Variants in KCNMA1 observed in about 807,000 individuals in gnomAD.
The protein encoded by KCNMA1 is potassium calcium-activated channel subfamily M alpha 1, also known as Calcium-activated potassium channel subunit alpha-1.
In KCNMA1, 29 loss-of-function variants were observed where a neutral mutation model predicts 140.0. The ratio of observed to expected loss-of-function variants is 0.21; its 90% CI spans 0.15 to 0.28. KCNMA1 has a LOEUF of 0.28. Ranked by LOEUF, KCNMA1 falls within the 10% of genes least tolerant of loss-of-function variation. KCNMA1 has a pLI of 1.00. For synonymous variants in KCNMA1, 612 were observed against 611.9 expected (o/e 1.00, Z 0.00); for missense variants, 880 against 1,602.2 (o/e 0.55, Z 7.70).
At chr10:77,338,482 T>C (rs1230609432) in intron 2 of KCNMA1, among the ~76,000 whole-genome samples, 6 of 152,150 alleles carry the variant, frequency 3.9e-5, no homozygotes, top group Non-Finnish European at 8.8e-5. Context: ...CAGAGGCCCT[T>C]ACAGACCCTA....
intron 3 of KCNMA1, among the ~76,000 whole-genome samples, chr10:77,196,560 T>C (rs1256821740): frequency 6.6e-6 from 1 of 152,230 alleles, no homozygotes; most frequent in Non-Finnish European, 1.5e-5. Context: ...CATTTCAATA[T>C]AATACATGGG....
At chr10:77,169,525 G>C (rs2098679772) in intron 5 of KCNMA1, among the ~76,000 whole-genome samples, 1 of 151,954 alleles carries the variant, frequency 6.6e-6, no homozygotes, top group Admixed American at 6.6e-5. Flanking sequence ...GAGTAGCTGG[G>C]ACCACAGGTA....
chr10:77,012,570 A>T (rs537211170), intron 17 of KCNMA1: 4 of 1,548,412 alleles, frequency 2.6e-6, no homozygotes, highest in Non-Finnish European at 3.5e-6. Flanking sequence ...GCAGAGAGGG[A>T]AAAACGAAAG....
chr10:77,469,559 G>A (rs564980137), intron 1 of KCNMA1, among the ~76,000 whole-genome samples: 2 of 152,268 alleles, frequency 1.3e-5, no homozygotes, highest in East Asian at 1.9e-4. Flanking sequence ...CTCACTGGCA[G>A]CTGACTGAGA....
At chr10:77,034,413 G>GAA (rs2094174881) in intron 15 of KCNMA1, among the ~76,000 whole-genome samples, 1 of 152,122 alleles carries the variant, frequency 6.6e-6, no homozygotes, top group Admixed American at 6.5e-5. Flanking sequence ...TGATTTCACA[G>GAA]AACTGAAGTT....
intron 1 of KCNMA1, among the ~76,000 whole-genome samples, chr10:77,568,876 G>C (rs1462432691): frequency 1.2e-3 from 188 of 150,984 alleles, no homozygotes; most frequent in African/African-American, 4.2e-3. Context: ...TGATAAGCAA[G>C]TTCAGCAAAG....
intron 1 of KCNMA1, among the ~76,000 whole-genome samples, chr10:77,464,886 G>T (rs534336122): frequency 1.3e-5 from 2 of 152,302 alleles, no homozygotes; most frequent in East Asian, 3.9e-4. Context: ...CTAAATTATT[G>T]CTTAACTTGT....
At chr10:77,101,543 G>A (rs767453539) in intron 9 of KCNMA1, among the ~76,000 whole-genome samples, 1 of 152,132 alleles carries the variant, frequency 6.6e-6, no homozygotes, top group African/African-American at 2.4e-5. Context: ...GTGATATGTT[G>A]ATGATTTGCT....
At chr10:76,999,049 C>T (rs1160085851) in intron 19 of KCNMA1, among the ~76,000 whole-genome samples, 1 of 152,200 alleles carries the variant, frequency 6.6e-6, no homozygotes, top group Non-Finnish European at 1.5e-5. Context: ...GCCCAAAGCT[C>T]CACGTGTTCC....
intron 6 of KCNMA1, among the ~76,000 whole-genome samples, chr10:77,117,997 A>C (rs1353541636): frequency 1.3e-5 from 2 of 152,090 alleles, no homozygotes; most frequent in African/African-American, 4.8e-5. Context: ...TGCCCACCTT[A>C]TGCTTCTCTG....
chr10:76,914,871 C>A, intron 24 of KCNMA1, 65 bp downstream of exon 24: 1 of 1,197,332 alleles, frequency 8.4e-7, no homozygotes, highest in Non-Finnish European at 1.2e-6. Flanking sequence ...AACCAACCTC[C>A]TCATATCCTG....
At chr10:77,335,948 T>C (rs980701048) in intron 2 of KCNMA1, among the ~76,000 whole-genome samples, 2 of 152,058 alleles carry the variant, frequency 1.3e-5, no homozygotes, top group African/African-American at 4.8e-5. Context: ...TCCACCAATC[T>C]TGGTTCAAGG....
chr10:77,479,281 T>C (rs2098338081), intron 1 of KCNMA1, among the ~76,000 whole-genome samples: 1 of 152,190 alleles, frequency 6.6e-6, no homozygotes, highest in African/African-American at 2.4e-5. Flanking sequence ...ACAGAGACAC[T>C]AGTGATGAAG....
intron 19 of KCNMA1, among the ~76,000 whole-genome samples, chr10:76,983,718 C>T (rs1276378112): frequency 2.9e-5 from 4 of 138,660 alleles, no homozygotes; most frequent in African/African-American, 8.3e-5. Context: ...CACAGTGAGA[C>T]ACTGTTTAAA....
intron 1 of KCNMA1, among the ~76,000 whole-genome samples, chr10:77,456,132 A>C (rs1246154549): frequency 6.6e-6 from 1 of 152,214 alleles, no homozygotes; most frequent in East Asian, 1.9e-4. Flanking sequence ...AAGCAAGAAG[A>C]GTCTGCAGGA....
intron 1 of KCNMA1, among the ~76,000 whole-genome samples, chr10:77,602,598 G>T (rs763168995): frequency 7.9e-5 from 12 of 152,138 alleles, no homozygotes; most frequent in Non-Finnish European, 1.5e-4. Context: ...TGGTGTAGAA[G>T]AATATGGAGG....
At chr10:77,013,385 C>T (rs1316897852) in intron 17 of KCNMA1, among the ~76,000 whole-genome samples, 1 of 152,016 alleles carries the variant, frequency 6.6e-6, no homozygotes, top group African/African-American at 2.4e-5. Flanking sequence ...GCAAATTCTC[C>T]ACTCTTTCTT....
At chr10:77,441,465 A>C (rs2154513396) in intron 1 of KCNMA1, among the ~76,000 whole-genome samples, 1 of 152,320 alleles carries the variant, frequency 6.6e-6, no homozygotes, top group Admixed American at 6.5e-5. Flanking sequence ...GGGATACTTC[A>C]GCTGGAAGTC....
intron 1 of KCNMA1, among the ~76,000 whole-genome samples, chr10:77,605,240 T>C (rs974219543): frequency 6.6e-6 from 1 of 152,216 alleles, no homozygotes; most frequent in Non-Finnish European, 1.5e-5. Flanking sequence ...TGCCAGGGAC[T>C]GTCCCGGATG....
Sources: allele counts gnomAD v4.1 joint callset (sites outside exome capture counted in the v4.1 genomes callset), GRCh38; gene constraint gnomAD v4.1.1; transcripts MANE v1.5; gene names NCBI Gene and HGNC (gene_info 2026-07-23, HGNC 2026-07-21).